Variants in SLC35D4 observed in about 807,000 individuals in gnomAD.
SLC35D4 encodes the protein solute carrier family 35 member D4, also known as UDP-N-acetylglucosamine transporter SLC35D4.
chr18:23,374,874 G>A, the SLC35D4 span, among the ~76,000 whole-genome samples: 1 of 152,194 alleles, frequency 6.6e-6, no homozygotes, highest in South Asian at 2.1e-4. Flanking sequence ...CAGCACTTCA[G>A]GAGGCCAAGG....
chr18:23,404,402 C>T, the SLC35D4 span, among the ~76,000 whole-genome samples: 2 of 152,156 alleles, frequency 1.3e-5, no homozygotes, highest in Admixed American at 6.5e-5. Flanking sequence ...AGGCAAGGCG[C>T]GGTGGCTCAC....
At chr18:23,422,821 C>T in the SLC35D4 span, among the ~76,000 whole-genome samples, 3 of 152,124 alleles carry the variant, frequency 2.0e-5, no homozygotes, top group Admixed American at 6.5e-5. Context: ...CCCTCCCCCC[C>T]CCAATGCAGA....
chr18:23,239,517 C>T, the SLC35D4 span, among the ~76,000 whole-genome samples: 3 of 152,074 alleles, frequency 2.0e-5, no homozygotes, highest in Admixed American at 6.5e-5. Flanking sequence ...TCCTAGAAGC[C>T]GACATGGGTT....
the SLC35D4 span, among the ~76,000 whole-genome samples, chr18:23,313,030 G>A: frequency 1.3e-5 from 2 of 148,964 alleles, no homozygotes; most frequent in Admixed American, 6.9e-5. Flanking sequence ...GGGAGGCTGA[G>A]GCAGGAGAAT....
At chr18:23,430,873 C>T in the SLC35D4 span, among the ~76,000 whole-genome samples, 1 of 151,986 alleles carries the variant, frequency 6.6e-6, no homozygotes, top group East Asian at 1.9e-4. Context: ...GAAATTGAGC[C>T]AGCTGGGCAC....
the SLC35D4 span, among the ~76,000 whole-genome samples, chr18:23,397,158 T>A: frequency 6.6e-6 from 1 of 152,132 alleles, no homozygotes; most frequent in Non-Finnish European, 1.5e-5. Flanking sequence ...GCTCTCCATA[T>A]CTGGGACCCA....
At chr18:23,360,479 A>G in the SLC35D4 span, among the ~76,000 whole-genome samples, 1 of 152,188 alleles carries the variant, frequency 6.6e-6, no homozygotes, top group Non-Finnish European at 1.5e-5. Context: ...ATACGCAACA[A>G]CATGAATGAA....
the SLC35D4 span, among the ~76,000 whole-genome samples, chr18:23,390,499 G>A: frequency 6.6e-6 from 1 of 152,194 alleles, no homozygotes; most frequent in Middle Eastern, 3.2e-3. Context: ...TCCATTAGCT[G>A]AAAATTCAAC....
chr18:23,330,859 C>T, the SLC35D4 span, among the ~76,000 whole-genome samples: 1 of 152,158 alleles, frequency 6.6e-6, no homozygotes, highest in Non-Finnish European at 1.5e-5. Context: ...GCACCCCTTC[C>T]CTGGGAGACT....
chr18:23,400,535 G>T, the SLC35D4 span, among the ~76,000 whole-genome samples: 1 of 152,164 alleles, frequency 6.6e-6, no homozygotes, highest in Non-Finnish European at 1.5e-5. Context: ...GCCAAGGGAG[G>T]AGAATCACCT....
the SLC35D4 span, among the ~76,000 whole-genome samples, chr18:23,300,899 G>A: frequency 2.6e-5 from 4 of 152,216 alleles, no homozygotes; most frequent in Non-Finnish European, 5.9e-5. Context: ...AGGGACCGAA[G>A]CCTCCATCTA....
chr18:23,268,578 T>C, the SLC35D4 span, among the ~76,000 whole-genome samples: 2 of 151,940 alleles, frequency 1.3e-5, no homozygotes, highest in Non-Finnish European at 1.5e-5. Flanking sequence ...TGAGGGGTTG[T>C]AGCAAGCAGA....
chr18:23,312,954 C>T, the SLC35D4 span, among the ~76,000 whole-genome samples: 5 of 151,568 alleles, frequency 3.3e-5, no homozygotes, highest in Admixed American at 2.6e-4. Context: ...GGTGAAACCC[C>T]GTCTCTACTA....
At chr18:23,389,736 G>A in the SLC35D4 span, among the ~76,000 whole-genome samples, 1 of 152,040 alleles carries the variant, frequency 6.6e-6, no homozygotes, top group Non-Finnish European at 1.5e-5. Context: ...ATGAGGTTTT[G>A]CCATGTTGAT....
chr18:23,411,807 C>T, the SLC35D4 span, among the ~76,000 whole-genome samples: 8 of 152,078 alleles, frequency 5.3e-5, no homozygotes, highest in African/African-American at 1.2e-4. Context: ...TCTGTTGGCA[C>T]GGTTTACAAA....
At chr18:23,426,654 T>C in the SLC35D4 span, among the ~76,000 whole-genome samples, 1 of 152,254 alleles carries the variant, frequency 6.6e-6, no homozygotes, top group South Asian at 2.1e-4. Flanking sequence ...CTTCACAGAA[T>C]TGGAAAAAAC....
the SLC35D4 span, among the ~76,000 whole-genome samples, chr18:23,246,782 C>G: frequency 6.6e-6 from 1 of 151,842 alleles, no homozygotes; most frequent in Non-Finnish European, 1.5e-5. Context: ...ATCTTCATCT[C>G]CCAGGTTCAA....
the SLC35D4 span, among the ~76,000 whole-genome samples, chr18:23,274,530 A>G: frequency 9.2e-5 from 14 of 152,194 alleles, no homozygotes; most frequent in Non-Finnish European, 2.1e-4. Flanking sequence ...CGCCAGCCTA[A>G]AAGTCTCCAT....
chr18:23,311,636 G>T, the SLC35D4 span, among the ~76,000 whole-genome samples: 1 of 152,070 alleles, frequency 6.6e-6, no homozygotes, highest in African/African-American at 2.4e-5. Context: ...CCTAGCTGGG[G>T]GTGATCTTTA....
Sources: allele counts gnomAD v4.1 joint callset (sites outside exome capture counted in the v4.1 genomes callset), GRCh38; gene constraint gnomAD v4.1.1; transcripts MANE v1.5; gene names NCBI Gene and HGNC (gene_info 2026-07-23, HGNC 2026-07-21).